UXS1: variants seen among roughly 807,000 people sequenced by gnomAD.
UXS1 encodes the protein UDP-glucuronate decarboxylase 1.
UXS1 carries 33 observed loss-of-function variants against 62.6 expected under a neutral mutation model. The observed-to-expected ratio is 0.53, with a 90% CI of 0.40 to 0.70. The LOEUF is 0.70. UXS1 is among the 30% of genes least tolerant of loss of function. The probability of loss-of-function intolerance (pLI) is 0.00; values close to 1 mark genes in which losing one functional copy is unlikely to be tolerated. For missense variants in UXS1, 434 were observed against 556.3 expected (o/e 0.78, Z 2.21); for synonymous variants, 213 against 206.8 (o/e 1.03, Z -0.26).
intron 5 of UXS1, among the ~76,000 whole-genome samples, chr2:106,146,982 G>A (rs1201718409): frequency 1.3e-5 from 2 of 151,804 alleles, no homozygotes; most frequent in African/African-American, 2.4e-5. Context: ...GTGAAACCCC[G>A]TCTCTACTAA....
intron 4 of UXS1, among the ~76,000 whole-genome samples, chr2:106,162,811 T>C (rs1040649685): frequency 6.6e-6 from 1 of 152,248 alleles, no homozygotes; most frequent in South Asian, 2.1e-4. Context: ...TTTTGTTTAA[T>C]GACTCTTCTC....
chr2:106,103,651 G>A (rs983898151), intron 11 of UXS1, among the ~76,000 whole-genome samples: 1 of 152,170 alleles, frequency 6.6e-6, no homozygotes, highest in Non-Finnish European at 1.5e-5. Context: ...GAATATGCAT[G>A]CCTATTTGGG....
At chr2:106,116,308 T>C (rs1360720381) in intron 9 of UXS1, among the ~76,000 whole-genome samples, 1 of 152,182 alleles carries the variant, frequency 6.6e-6, no homozygotes, top group East Asian at 1.9e-4. Flanking sequence ...GTCCAGATAT[T>C]TGCATAATCA....
At chr2:106,187,697 T>C (rs910699130) in intron 1 of UXS1, among the ~76,000 whole-genome samples, 3 of 151,792 alleles carry the variant, frequency 2.0e-5, no homozygotes, top group Non-Finnish European at 4.4e-5. Flanking sequence ...ACACCAAAAA[T>C]TACATAAATG....
intron 6 of UXS1, among the ~76,000 whole-genome samples, chr2:106,139,090 C>G (rs1680886829): frequency 6.6e-6 from 1 of 152,086 alleles, no homozygotes; most frequent in Non-Finnish European, 1.5e-5. Flanking sequence ...GCCCTGGGAA[C>G]ATGTCAACTG....
intron 8 of UXS1, among the ~76,000 whole-genome samples, chr2:106,123,844 A>G (rs947412818): frequency 3.3e-5 from 5 of 152,244 alleles, no homozygotes; most frequent in East Asian, 1.9e-4. Context: ...TATAAAATGT[A>G]TAAGTCTTTG....
At chr2:106,185,922 G>T (rs1684520519) in intron 1 of UXS1, among the ~76,000 whole-genome samples, 1 of 147,890 alleles carries the variant, frequency 6.8e-6, no homozygotes, top group African/African-American at 2.5e-5. Flanking sequence ...CTTGGTTTCA[G>T]ACTTCTGGCC....
rs1006813112 is a variant in UXS1, at chr2:106,093,701, T to A, written c.*325A>T. 2 of 226,660 alleles carry A rather than the reference T, an allele frequency of 8.8e-6. No homozygotes were observed. Among genetic ancestry groups the A allele is most frequent in the African/African-American group, 2.3e-5 (1 of 44,160 alleles). The allele number at this position is 226,660 out of a possible 1,614,324, so 14.0% of individuals were successfully genotyped here. A position where few individuals can be genotyped will look rare whatever the true frequency, so the allele number is the denominator to read the frequency against. ...TCCCGCTTAATGTTCCTTTTCAGCTTCACAAAGAAACCAGTAAATAAAACT... is the reference window on the plus strand; with the variant it reads ...TCCCGCTTAATGTTCCTTTTCAGCTACACAAAGAAACCAGTAAATAAAACT... On this transcript the variant is annotated 3_prime_UTR_variant, in exon 15 of 15. Transcript: ENST00000283148.
At chr2:106,178,513 T>C (rs981306161) in intron 1 of UXS1, among the ~76,000 whole-genome samples, 1 of 16,040 alleles carries the variant, frequency 6.2e-5, no homozygotes, top group Non-Finnish European at 1.7e-4. Flanking sequence ...TGTATACATA[T>C]ACAAGTCTAT....
In UXS1 at chr2:106,177,285, GC is replaced by G. The variant is rs1407610080; in HGVS notation, c.95-11203del. ...ATCTTGGCTCACTGTAACCTTTGCC[GC>G]CCGGGTTCAAGCGATTCTCCTGTCT... On this transcript the variant is annotated intron_variant, in intron 1 of 14. Coordinates refer to ENST00000283148, the MANE Select transcript of UXS1 (RefSeq NM_001253875.2). 4.2e-5 allele frequency among the ~76,000 whole-genome samples: 6 copies of G among 144,104 alleles called. No homozygotes were observed. In the East Asian group the frequency reaches 1.2e-3, roughly 30 times the overall value. The allele number at this position is 144,104 out of a possible 152,430, so 94.5% of individuals were successfully genotyped here.
At chr2:106,141,947 T>C (rs1473557749) in intron 6 of UXS1, among the ~76,000 whole-genome samples, 2 of 151,684 alleles carry the variant, frequency 1.3e-5, no homozygotes, top group Non-Finnish European at 2.9e-5. Context: ...CTTGGCTCAC[T>C]GCAACCTCCA....
At chr2:106,156,295 C>T (rs1263577772) in intron 5 of UXS1, among the ~76,000 whole-genome samples, 2 of 152,116 alleles carry the variant, frequency 1.3e-5, no homozygotes, top group African/African-American at 4.8e-5. Context: ...ATGCTCAACA[C>T]CATGAGCTAT....
intron 11 of UXS1, chr2:106,102,395 T>G (rs1224776202): frequency 1.3e-5 from 2 of 152,170 alleles, no homozygotes; most frequent in African/African-American, 4.8e-5. Flanking sequence ...GAAGGGTGAC[T>G]CTCAGGCAGT....
intron 4 of UXS1, among the ~76,000 whole-genome samples, chr2:106,158,367 G>A (rs529536636): frequency 2.0e-5 from 3 of 152,168 alleles, no homozygotes; most frequent in Non-Finnish European, 4.4e-5. Flanking sequence ...AAGCAAAAGC[G>A]CAAGGAGCTA....
chr2:106,093,904 G>A lies in UXS1; in HGVS notation c.*122C>T. ...ATTTCATTAAAGCAAGCTTCAGAAT[G>A]AAATTCCAGTTTGTTCTTCATGACA... is the stretch of plus-strand genomic sequence containing the variant. On this transcript the variant is annotated 3_prime_UTR_variant, in exon 15 of 15. Transcript: ENST00000283148. The A allele has an allele frequency of 1.5e-6, 2 of 1,312,570 alleles. No individual in the cohort carries two copies. The highest frequency in any genetic ancestry group is 2.0e-6 in the Non-Finnish European group (2 of 998,730). 81.3% of individuals were successfully genotyped at this position (1,312,570 alleles called of 1,614,324 possible).
chr2:106,096,869 G>A (rs557632093), intron 13 of UXS1, 48 bp from the exon 14 acceptor site: 2 of 1,525,404 alleles, frequency 1.3e-6, no homozygotes, highest in South Asian at 1.2e-5. Flanking sequence ...ACAAAGCATG[G>A]GTAAGCACAG....
intron 5 of UXS1, among the ~76,000 whole-genome samples, chr2:106,153,934 G>C (rs1165836234): frequency 6.6e-6 from 1 of 152,146 alleles, no homozygotes; most frequent in African/African-American, 2.4e-5. Context: ...TACCACAGTT[G>C]AAACTAAAAA....
intron 1 of UXS1, among the ~76,000 whole-genome samples, chr2:106,181,824 T>C (rs1684264382): frequency 6.6e-6 from 1 of 152,220 alleles, no homozygotes. Context: ...CTAAGAAACC[T>C]AGGAGTGCTA....
At chr2:106,100,412 C>T (rs1020441907) in intron 12 of UXS1, among the ~76,000 whole-genome samples, 2 of 152,096 alleles carry the variant, frequency 1.3e-5, no homozygotes, top group South Asian at 2.1e-4. Context: ...ATGAATGGCC[C>T]CAGGTGGAGA....
Sources: gnomAD v4.1 joint callset for allele counts (sites outside exome capture counted in the v4.1 genomes callset) on GRCh38, gnomAD v4.1.1 for gene constraint, MANE v1.5 for transcripts, NCBI Gene and HGNC (gene_info 2026-07-23, HGNC 2026-07-21) for gene names.